NOVA1: variants seen among roughly 807,000 people sequenced by gnomAD.
NOVA1 encodes the protein RNA-binding protein Nova-1.
In NOVA1, 7 loss-of-function variants were observed where a neutral mutation model predicts 38.0. That is an observed-to-expected ratio of 0.18 (90% CI 0.10 to 0.35). The LOEUF (loss-of-function observed/expected upper bound fraction) is 0.35, where lower values mean the gene tolerates loss of function less well. Among genes scored for constraint, NOVA1 ranks in the 10% least tolerant of loss-of-function variants. The pLI is 1.00. For missense variants in NOVA1, 460 were observed against 616.0 expected (o/e 0.75, Z 2.68); for synonymous variants, 270 against 232.5 (o/e 1.16, Z -1.47).
At chr14:26,577,497 C>A (rs1892932557) in intron 2 of NOVA1, among the ~76,000 whole-genome samples, 1 of 152,052 alleles carries the variant, frequency 6.6e-6, no homozygotes, top group Admixed American at 6.6e-5. Context: ...CCAACCATAT[C>A]TTTATGTTAA....
intron 2 of NOVA1, among the ~76,000 whole-genome samples, chr14:26,543,047 T>A (rs178172): frequency 6.6e-6 from 1 of 152,018 alleles, no homozygotes; most frequent in East Asian, 1.9e-4. Flanking sequence ...GAATTGGAAT[T>A]CTCCTAACAC....
chr14:26,531,476 A>C (rs1429439791), intron 2 of NOVA1, among the ~76,000 whole-genome samples: 1 of 152,018 alleles, frequency 6.6e-6, no homozygotes, highest in East Asian at 1.9e-4. Flanking sequence ...GTGTGGTGGC[A>C]CATGCCTGTA....
intron 2 of NOVA1, among the ~76,000 whole-genome samples, chr14:26,558,702 A>AT (rs1187731581): frequency 1.3e-5 from 2 of 152,180 alleles, no homozygotes; most frequent in Admixed American, 6.5e-5. Flanking sequence ...TAGGAAAGTT[A>AT]TTTTTAAAAA....
chr14:26,592,074 A>T (rs1019841380), intron 2 of NOVA1, among the ~76,000 whole-genome samples: 10 of 151,522 alleles, frequency 6.6e-5, no homozygotes, highest in Admixed American at 6.6e-4. Flanking sequence ...ATATGTTCTA[A>T]AATCTAAGGA....
chr14:26,511,388 A>G (rs1019883008), intron 2 of NOVA1, among the ~76,000 whole-genome samples: 1 of 152,210 alleles, frequency 6.6e-6, no homozygotes, highest in Non-Finnish European at 1.5e-5. Context: ...AAAACATACA[A>G]TGCATCTATT....
At chr14:26,472,777 C>T (rs888038555) in intron 3 of NOVA1, among the ~76,000 whole-genome samples, 26 of 151,528 alleles carry the variant, frequency 1.7e-4, no homozygotes, top group African/African-American at 5.8e-4. Context: ...GAGTCACTTT[C>T]CTATCGATGA....
chr14:26,467,790 A>G (rs1270433112), intron 4 of NOVA1, among the ~76,000 whole-genome samples: 1 of 152,220 alleles, frequency 6.6e-6, no homozygotes, highest in Non-Finnish European at 1.5e-5. Flanking sequence ...TTCATTAAGT[A>G]TGTGTTGGTA....
chr14:26,509,678 T>G (rs1323400029), intron 2 of NOVA1, among the ~76,000 whole-genome samples: 1 of 152,140 alleles, frequency 6.6e-6, no homozygotes, highest in Admixed American at 6.6e-5. Context: ...CTTTTATTCA[T>G]GCATATGGGG....
intron 2 of NOVA1, among the ~76,000 whole-genome samples, chr14:26,503,133 T>C (rs909757933): frequency 6.6e-6 from 1 of 152,090 alleles, no homozygotes. Flanking sequence ...AAAGCGACGA[T>C]GAAACTGGGG....
At chr14:26,595,786 A>G in intron 1 of NOVA1, 1 of 426,038 alleles carries the variant, frequency 2.3e-6, no homozygotes, top group Non-Finnish European at 4.2e-6. Context: ...ATTAAAATAT[A>G]AACATATTCT....
chr14:26,458,227 G>A (rs921934034), intron 4 of NOVA1, among the ~76,000 whole-genome samples: 5 of 152,046 alleles, frequency 3.3e-5, no homozygotes, highest in East Asian at 1.9e-4. Flanking sequence ...TATTACTGGT[G>A]GGAATGTAAA....
intron 2 of NOVA1, among the ~76,000 whole-genome samples, chr14:26,581,053 A>G (rs1893187366): frequency 6.6e-6 from 1 of 152,090 alleles, no homozygotes; most frequent in Non-Finnish European, 1.5e-5. Flanking sequence ...TAATTATGAA[A>G]GAGGTACAGA....
chr14:26,490,683 C>CT (rs924814898), intron 2 of NOVA1, among the ~76,000 whole-genome samples: 15 of 151,884 alleles, frequency 9.9e-5, no homozygotes, highest in African/African-American at 3.4e-4. Context: ...CAAATGGTGT[C>CT]TTTTTGTGTG....
chr14:26,523,281 A>G (rs1000193167), intron 2 of NOVA1, among the ~76,000 whole-genome samples: 3 of 152,224 alleles, frequency 2.0e-5, no homozygotes, highest in Non-Finnish European at 4.4e-5. Flanking sequence ...TAATGCTGCA[A>G]TGAGTGTGTA....
At chr14:26,513,367 T>C (rs1314636499) in intron 2 of NOVA1, among the ~76,000 whole-genome samples, 5 of 151,922 alleles carry the variant, frequency 3.3e-5, no homozygotes, top group Non-Finnish European at 7.4e-5. Context: ...ATGTCTGAAA[T>C]GCTACAACTG....
chr14:26,585,405 T>G (rs901361619), intron 2 of NOVA1, among the ~76,000 whole-genome samples: 2 of 151,314 alleles, frequency 1.3e-5, no homozygotes, highest in Admixed American at 6.6e-5. Context: ...AGTTTCTCAA[T>G]GTAACAATGT....
intron 2 of NOVA1, among the ~76,000 whole-genome samples, chr14:26,588,088 G>A (rs1330697567): frequency 6.6e-6 from 1 of 150,754 alleles, no homozygotes; most frequent in Admixed American, 6.6e-5. Flanking sequence ...GTAAAATTAT[G>A]GAGCCATGAG....
chr14:26,553,825 G>T (rs929324027), intron 2 of NOVA1, among the ~76,000 whole-genome samples: 1 of 151,880 alleles, frequency 6.6e-6, no homozygotes, highest in Non-Finnish European at 1.5e-5. Context: ...CCTCATCAGA[G>T]AGCTAGTACT....
chr14:26,489,151 T>G (rs531777226), intron 2 of NOVA1, among the ~76,000 whole-genome samples: 1 of 152,144 alleles, frequency 6.6e-6, no homozygotes, highest in Non-Finnish European at 1.5e-5. Flanking sequence ...TGTAACAAAG[T>G]TGTCAACTTT....
Sources: allele counts gnomAD v4.1 joint callset (sites outside exome capture counted in the v4.1 genomes callset), GRCh38; gene constraint gnomAD v4.1.1; transcripts MANE v1.5; gene names NCBI Gene and HGNC (gene_info 2026-07-23, HGNC 2026-07-21).